The following CREM variants were observed in gnomAD, a reference collection of about 807,000 sequenced individuals.
CREM encodes cAMP-responsive element modulator.
A neutral mutation model predicts 37.3 loss-of-function variants in CREM; 13 were observed. The ratio of observed to expected loss-of-function variants is 0.35; its 90% CI spans 0.23 to 0.55. The LOEUF (loss-of-function observed/expected upper bound fraction) is 0.55. CREM is among the 20% of genes least tolerant of loss of function. The probability of loss-of-function intolerance (pLI) is 0.88; values close to 1 mark genes in which losing one functional copy is unlikely to be tolerated. For missense variants in CREM, 296 were observed against 362.3 expected (o/e 0.82, Z 1.49); for synonymous variants, 124 against 120.2 (o/e 1.03, Z -0.21).
rs531219373 is a variant in CREM, at chr10:35,161,256, C to T, written c.168+12765C>T. Among the ~76,000 whole-genome samples, 8 of 152,000 alleles carry T rather than the reference C, an allele frequency of 5.3e-5. 1 individual carries two copies. Among genetic ancestry groups the T allele is most frequent in the African/African-American group, 1.7e-4 (7 of 41,488 alleles). On this transcript the variant is annotated intron_variant, in intron 3 of 7. Coordinates refer to ENST00000685392, the MANE Select transcript of CREM (RefSeq NM_183011.2). ...GGTTAAAGCTATTCGCGTGCCTCAG[C>T]CTCCCGAGTATGGGATTACAGTCGT...
At chr10:35,187,176 TTAATATATAAATATA>T (rs1564922991) in intron 5 of CREM, among the ~76,000 whole-genome samples, 40 of 45,056 alleles carry the variant, frequency 8.9e-4, no homozygotes, top group African/African-American at 2.7e-3. Context: ...TATATTAATA[TTAATATATAAATATA>T]TTAATATATA....
intron 6 of CREM, chr10:35,195,938 C>A: frequency 1.1e-6 from 1 of 878,360 alleles, no homozygotes; most frequent in Non-Finnish European, 1.8e-6. Context: ...TTAACTAGCT[C>A]ACCACTGCCT....
At chr10:35,201,618 C>A in intron 6 of CREM, 1 of 1,231,474 alleles carries the variant, frequency 8.1e-7, no homozygotes. Flanking sequence ...TTTCTTTTCC[C>A]ATGAAATATT....
At chr10:35,156,241 C>CTCTTT (rs1189587815) in intron 3 of CREM, among the ~76,000 whole-genome samples, 1 of 146,514 alleles carries the variant, frequency 6.8e-6, no homozygotes, top group African/African-American at 2.5e-5. Context: ...TCCCGGCCAC[C>CTCTTT]TCTTTTCTTT....
At position 35,128,082 on chromosome 10, in the gene CREM, C is replaced by G. The variant is rs1169370227; in HGVS notation, c.-55+889C>G. 3.9e-5 allele frequency among the ~76,000 whole-genome samples: 6 copies of G among 152,182 alleles called. No homozygotes were observed. In the East Asian group the frequency reaches 1.2e-3, roughly 29 times the overall value. On this transcript the variant is annotated intron_variant, in intron 1 of 7. Coordinates refer to ENST00000685392, the MANE Select transcript of CREM (RefSeq NM_183011.2). The stretch of plus-strand genomic sequence containing the variant: ...CTGGTCTCGAACTCCTGACCTTCCA[C>G]CCACCTCGGCCTCCCAAAGTGCTGG...
At chr10:35,206,255 A>G (rs1398785316) in intron 6 of CREM, among the ~76,000 whole-genome samples, 10 of 150,586 alleles carry the variant, frequency 6.6e-5, no homozygotes, top group Non-Finnish European at 1.5e-5. Flanking sequence ...CTCAAAAAAA[A>G]AAAAATATGT....
intron 6 of CREM, 88 bp from the exon 7 acceptor site, chr10:35,206,807 A>G (rs2134588003): frequency 7.9e-7 from 1 of 1,267,394 alleles, no homozygotes; most frequent in South Asian, 1.2e-5. Flanking sequence ...ATGAGATGTC[A>G]AAAGTATATC....
At chr10:35,209,678 C>T (rs565639690) in intron 7 of CREM, among the ~76,000 whole-genome samples, 1 of 152,240 alleles carries the variant, frequency 6.6e-6, no homozygotes, top group East Asian at 1.9e-4. Context: ...TGACTATCTT[C>T]CTTCTAGGTC....
chr10:35,169,657 C>T (rs1233891565), intron 3 of CREM, among the ~76,000 whole-genome samples: 2 of 152,186 alleles, frequency 1.3e-5, no homozygotes, highest in Non-Finnish European at 2.9e-5. Flanking sequence ...GAGAGGGCAT[C>T]CCTGTCTTGT....
At chr10:35,158,152 C>A (rs1183914278) in intron 3 of CREM, among the ~76,000 whole-genome samples, 1 of 152,144 alleles carries the variant, frequency 6.6e-6, no homozygotes, top group African/African-American at 2.4e-5. Context: ...CTACCCAAAG[C>A]GGTCTACAGA....
intron 6 of CREM, chr10:35,195,133 A>T: frequency 6.3e-7 from 1 of 1,596,912 alleles, no homozygotes; most frequent in African/African-American, 1.3e-5. Context: ...AATTTGGAAC[A>T]CTTTATGTTG....
At chr10:35,156,524 A>G (rs2136218661) in intron 3 of CREM, among the ~76,000 whole-genome samples, 1 of 152,352 alleles carries the variant, frequency 6.6e-6, no homozygotes, top group South Asian at 2.1e-4. Flanking sequence ...TGTTGGCATT[A>G]CAGGTGTGAG....
intron 3 of CREM, chr10:35,175,555 G>A (rs1292106541): frequency 2.1e-5 from 19 of 903,314 alleles, no homozygotes; most frequent in Admixed American, 4.0e-5. Context: ...GCGTGAGGTC[G>A]TAGTGAGGTA....
intron 7 of CREM, among the ~76,000 whole-genome samples, chr10:35,207,474 AAAT>A (rs1285248980): frequency 2.0e-5 from 3 of 146,432 alleles, no homozygotes; most frequent in Non-Finnish European, 4.5e-5. Flanking sequence ...ATAAAAATAA[AAAT>A]AAAAATTACA....
chr10:35,191,193 T>C (rs1315494321), intron 6 of CREM, among the ~76,000 whole-genome samples: 1 of 152,032 alleles, frequency 6.6e-6, no homozygotes, highest in Non-Finnish European at 1.5e-5. Flanking sequence ...CTAAGTACTT[T>C]ATGGGTTTTG....
At chr10:35,142,168 A>T (rs1158521873) in intron 2 of CREM, among the ~76,000 whole-genome samples, 1 of 152,168 alleles carries the variant, frequency 6.6e-6, no homozygotes, top group Non-Finnish European at 1.5e-5. Flanking sequence ...GTTCAAGGGA[A>T]TAGCTCGAGA....
At chr10:35,176,802 G>A (rs1026214761) in intron 3 of CREM, among the ~76,000 whole-genome samples, 2 of 151,702 alleles carry the variant, frequency 1.3e-5, no homozygotes, top group Admixed American at 6.6e-5. Context: ...TTTTAAATTC[G>A]GTATACATAA....
chr10:35,188,086 TA>T, intron 5 of CREM, 113 bp from the exon 6 acceptor site: 1 of 1,032,916 alleles, frequency 9.7e-7, no homozygotes, highest in Non-Finnish European at 1.4e-6. Flanking sequence ...AAAATAAGGG[TA>T]ACCTGAGAAA....
At chr10:35,207,323 G>A (rs2095552038) in intron 7 of CREM, among the ~76,000 whole-genome samples, 1 of 152,104 alleles carries the variant, frequency 6.6e-6, no homozygotes, top group African/African-American at 2.4e-5. Context: ...GAACCTGGGA[G>A]GCGGAGGTTG....
Sources: gnomAD v4.1 joint callset for allele counts (sites outside exome capture counted in the v4.1 genomes callset) on GRCh38, gnomAD v4.1.1 for gene constraint, MANE v1.5 for transcripts, NCBI Gene and HGNC (gene_info 2026-07-23, HGNC 2026-07-21) for gene names.